The following LRRTM3 variants were observed in gnomAD, a reference collection of about 807,000 sequenced individuals.
LRRTM3 encodes leucine-rich repeat transmembrane neuronal protein 3.
LRRTM3 carries 24 observed loss-of-function variants against 44.7 expected under a neutral mutation model. The ratio of observed to expected loss-of-function variants is 0.54; its 90% confidence interval spans 0.39 to 0.76. LRRTM3 has a LOEUF of 0.76. Among genes scored for constraint, LRRTM3 ranks in the 30% least tolerant of loss-of-function variants. The probability of loss-of-function intolerance (pLI) is 0.00; values close to 1 mark genes in which losing one functional copy is unlikely to be tolerated. For synonymous variants in LRRTM3, 277 were observed against 278.7 expected (o/e 0.99, Z 0.06); for missense variants, 587 against 702.2 (o/e 0.84, Z 1.85).
intron 2 of LRRTM3, among the ~76,000 whole-genome samples, chr10:67,091,589 A>C (rs1042855798): frequency 2.6e-5 from 4 of 152,114 alleles, no homozygotes; most frequent in Non-Finnish European, 5.9e-5. Flanking sequence ...GGATAAATTT[A>C]TAAATGCCCA....
At chr10:67,023,163 T>C (rs551431578) in intron 2 of LRRTM3, among the ~76,000 whole-genome samples, 2 of 152,116 alleles carry the variant, frequency 1.3e-5, no homozygotes, top group South Asian at 4.1e-4. Context: ...TATGTGGAAA[T>C]ACAAAGAACC....
intron 2 of LRRTM3, among the ~76,000 whole-genome samples, chr10:67,045,473 G>A (rs975087231): frequency 6.6e-6 from 1 of 152,074 alleles, no homozygotes; most frequent in Non-Finnish European, 1.5e-5. Context: ...GTGTTGCGAG[G>A]GCTGACTTTC....
intron 2 of LRRTM3, among the ~76,000 whole-genome samples, chr10:66,948,972 T>C (rs1848406078): frequency 6.6e-6 from 1 of 152,202 alleles, no homozygotes; most frequent in African/African-American, 2.4e-5. Flanking sequence ...AAATTATAAT[T>C]GTGTTATTTT....
chr10:67,056,699 G>T (rs1468690612), intron 2 of LRRTM3, among the ~76,000 whole-genome samples: 1 of 152,118 alleles, frequency 6.6e-6, no homozygotes, highest in Non-Finnish European at 1.5e-5. Flanking sequence ...ACATTATACA[G>T]TAACTTTCAA....
intron 2 of LRRTM3, among the ~76,000 whole-genome samples, chr10:67,034,497 C>T (rs1184411516): frequency 1.3e-5 from 2 of 152,154 alleles, no homozygotes; most frequent in Non-Finnish European, 2.9e-5. Flanking sequence ...TTAGGCTCTC[C>T]CTTTCTGGTT....
chr10:66,966,957 A>G (rs1849453618), intron 2 of LRRTM3, among the ~76,000 whole-genome samples: 1 of 152,000 alleles, frequency 6.6e-6, no homozygotes, highest in East Asian at 1.9e-4. Flanking sequence ...AATTTTTTGT[A>G]TTTGGATATC....
At chr10:67,039,580 T>C (rs1854271411) in intron 2 of LRRTM3, among the ~76,000 whole-genome samples, 1 of 152,120 alleles carries the variant, frequency 6.6e-6, no homozygotes, top group South Asian at 2.1e-4. Context: ...AATTATTAGA[T>C]AACTAGCTCA....
chr10:67,089,744 T>TGC (rs1360338830), intron 2 of LRRTM3, among the ~76,000 whole-genome samples: 79 of 151,250 alleles, frequency 5.2e-4, no homozygotes, highest in African/African-American at 1.9e-3. Flanking sequence ...TGTGTGTGTG[T>TGC]GTGTGTGTGG....
intron 2 of LRRTM3, among the ~76,000 whole-genome samples, chr10:67,085,268 T>C (rs2131890944): frequency 6.6e-6 from 1 of 151,922 alleles, no homozygotes; most frequent in South Asian, 2.1e-4. Flanking sequence ...GATCACATAA[T>C]AGTAATCAAA....
rs2132726539 is a variant in LRRTM3, at chr10:66,952,422, AG to A, written c.1536+23971del. Among the ~76,000 whole-genome samples, 3 of 152,312 alleles carry A rather than the reference AG, an allele frequency of 2.0e-5. No homozygotes were observed. In the South Asian group the frequency reaches 6.2e-4, roughly 32 times the overall value. On this transcript the variant is annotated intron_variant, in intron 2 of 2. Transcript: ENST00000361320. ...AGCAACGCATCTGTAGCAGCCAGAAAGTAAATTTTTTAAGCTACGAAGGGCC... is the reference window on the plus strand; with the variant it reads ...AGCAACGCATCTGTAGCAGCCAGAAATAAATTTTTTAAGCTACGAAGGGCC...
chr10:67,062,514 AGTGT>A (rs997752117), intron 2 of LRRTM3, among the ~76,000 whole-genome samples: 3 of 152,058 alleles, frequency 2.0e-5, no homozygotes, highest in African/African-American at 7.2e-5. Flanking sequence ...TTTGGTTGAA[AGTGT>A]GTGTGTGTCT....
At chr10:67,061,109 T>G (rs767154975) in intron 2 of LRRTM3, among the ~76,000 whole-genome samples, 2 of 152,106 alleles carry the variant, frequency 1.3e-5, no homozygotes, top group Non-Finnish European at 2.9e-5. Context: ...GGCTAAAAAT[T>G]AACGGTTTGG....
At chr10:66,995,483 G>A (rs1193439426) in intron 2 of LRRTM3, among the ~76,000 whole-genome samples, 1 of 152,112 alleles carries the variant, frequency 6.6e-6, no homozygotes, top group Non-Finnish European at 1.5e-5. Flanking sequence ...CATTCACCAA[G>A]TGATCTTTTT....
chr10:66,947,905 T>G (rs1490591243), intron 2 of LRRTM3, among the ~76,000 whole-genome samples: 1 of 152,100 alleles, frequency 6.6e-6, no homozygotes, highest in African/African-American at 2.4e-5. Context: ...CATCACAGAG[T>G]GTACTTACAT....
At chr10:67,073,085 C>A (rs747261103) in intron 2 of LRRTM3, among the ~76,000 whole-genome samples, 21 of 152,188 alleles carry the variant, frequency 1.4e-4, no homozygotes, top group Non-Finnish European at 2.8e-4. Flanking sequence ...TAAGCAAATG[C>A]CCTCAGGGAA....
chr10:67,055,038 C>A (rs1855340369), intron 2 of LRRTM3: 1 of 151,728 alleles, frequency 6.6e-6, no homozygotes, highest in Admixed American at 6.6e-5. Context: ...ACTCATTAAC[C>A]AGGACATTGC....
At chr10:67,054,955 C>G (rs1156737404) in intron 2 of LRRTM3, 2 of 152,038 alleles carry the variant, frequency 1.3e-5, no homozygotes, top group Non-Finnish European at 2.9e-5. Context: ...TGCCAACCCC[C>G]TTAGTTTATA....
chr10:67,062,981 T>G (rs1026206062), intron 2 of LRRTM3, among the ~76,000 whole-genome samples: 1 of 152,172 alleles, frequency 6.6e-6, no homozygotes, highest in Non-Finnish European at 1.5e-5. Context: ...TTGTTTTTTT[T>G]TCTGATCGTT....
chr10:66,931,970 A>AAAG (rs1262242234), intron 2 of LRRTM3, among the ~76,000 whole-genome samples: 1 of 152,184 alleles, frequency 6.6e-6, no homozygotes, highest in East Asian at 1.9e-4. Context: ...TATTATATCA[A>AAAG]AAGAGTCAGC....
Sources: allele counts gnomAD v4.1 joint callset (sites outside exome capture counted in the v4.1 genomes callset), GRCh38; gene constraint gnomAD v4.1.1; transcripts MANE v1.5; gene names NCBI Gene and HGNC (gene_info 2026-07-23, HGNC 2026-07-21).